The following PRKN variants were observed in gnomAD, a reference collection of about 807,000 sequenced individuals.
The protein encoded by PRKN is E3 ubiquitin-protein ligase parkin.
Under a neutral mutation model 59.5 loss-of-function variants are expected in PRKN, and 56 were observed. That is an observed-to-expected ratio of 0.94 (90% CI 0.76 to 1.18). The LOEUF (loss-of-function observed/expected upper bound fraction) is 1.18, where lower values mean the gene tolerates loss of function less well. Ranked by LOEUF, PRKN falls within the 50% of genes most tolerant of loss-of-function variation. The pLI, the probability that PRKN is intolerant of heterozygous loss-of-function variation, is 0.00. For missense variants in PRKN, 657 were observed against 596.4 expected, an observed-to-expected ratio of 1.10 and a Z score of -1.06; for synonymous variants, 250 against 222.1, an observed-to-expected ratio of 1.13 and a Z score of -1.12.
intron 2 of PRKN, among the ~76,000 whole-genome samples, chr6:162,308,654 CT>C (rs1782341761): frequency 6.6e-6 from 1 of 152,136 alleles, no homozygotes; most frequent in East Asian, 1.9e-4. Flanking sequence ...TTCCTGTCAT[CT>C]TTTATGAAAT....
Position 162,316,155 on chromosome 6 carries a change from A to G in PRKN, c.172-53390T>C, listed in dbSNP as rs546999780. Among the ~76,000 whole-genome samples, 24 of 152,048 alleles carry G rather than the reference A, an allele frequency of 1.6e-4. No homozygotes were observed. In the South Asian group the frequency reaches 5.0e-3, roughly 32 times the overall value. ...GGGGAAATCAAGAGGAGCAGTGGCC[A>G]GGAAAAATGTGCGTGACTTAGGCAT... is the stretch of plus-strand genomic sequence containing the variant. On this transcript the variant is annotated intron_variant, in intron 2 of 11. Coordinates refer to ENST00000366898, the MANE Select transcript of PRKN (RefSeq NM_004562.3).
At chr6:161,958,295 T>C (rs1780255972) in intron 6 of PRKN, among the ~76,000 whole-genome samples, 1 of 152,194 alleles carries the variant, frequency 6.6e-6, no homozygotes, top group Non-Finnish European at 1.5e-5. Flanking sequence ...ACACGCTAAA[T>C]TGTTCCTCTC....
intron 9 of PRKN, among the ~76,000 whole-genome samples, chr6:161,537,491 G>A (rs531727008): frequency 1.1e-4 from 16 of 146,038 alleles, no homozygotes; most frequent in Non-Finnish European, 1.6e-4. Flanking sequence ...TTGCTCTGTC[G>A]CCCAGGCTGG....
chr6:162,565,236 A>G (rs1780008894), intron 1 of PRKN, among the ~76,000 whole-genome samples: 1 of 152,206 alleles, frequency 6.6e-6, no homozygotes, highest in African/African-American at 2.4e-5. Flanking sequence ...CACACAGTGG[A>G]GACACAAAAA....
At chr6:161,993,817 A>T (rs1275833268) in intron 5 of PRKN, among the ~76,000 whole-genome samples, 3 of 152,186 alleles carry the variant, frequency 2.0e-5, no homozygotes, top group Non-Finnish European at 4.4e-5. Context: ...GCTGCTTCCA[A>T]CCACAGCAGA....
chr6:161,683,367 T>G (rs1394462200), intron 7 of PRKN, among the ~76,000 whole-genome samples: 1 of 152,230 alleles, frequency 6.6e-6, no homozygotes, highest in Non-Finnish European at 1.5e-5. Context: ...CATTCTAATC[T>G]GCACTCGATC....
In PRKN at chr6:161,797,315, G is replaced by C. The variant is rs535100644; in HGVS notation, c.735-11407C>G. Among the ~76,000 whole-genome samples, 15 of 152,202 alleles carry C rather than the reference G, an allele frequency of 9.9e-5. No individual in the cohort carries two copies. In the East Asian group the frequency reaches 2.3e-3, roughly 24 times the overall value. On this transcript the variant is annotated intron_variant, in intron 6 of 11. Transcript: ENST00000366898. ...CACCCAGGCTGGAGTGCAGTGGCACGATCTTGGCTCTACAACCTCCGGCTC... is the reference window on the plus strand; with the variant it reads ...CACCCAGGCTGGAGTGCAGTGGCACCATCTTGGCTCTACAACCTCCGGCTC...
At chr6:162,273,943 T>C (rs1217117077) in intron 2 of PRKN, among the ~76,000 whole-genome samples, 1 of 152,162 alleles carries the variant, frequency 6.6e-6, no homozygotes, top group African/African-American at 2.4e-5. Context: ...TCAACAAAAA[T>C]GATCCATATG....
In PRKN at chr6:162,380,847, A is replaced by C. The variant is rs185268530; in HGVS notation, c.171+62463T>G. ...CATTCAGCACATAAATAAGGAAGTA[A>C]GGTGTTTAAGAGTCTGTATCACTGG... On this transcript the variant is annotated intron_variant, in intron 2 of 11. Coordinates refer to ENST00000366898, the MANE Select transcript of PRKN (RefSeq NM_004562.3). Among the ~76,000 whole-genome samples, 19 of 152,142 alleles carry C rather than the reference A, an allele frequency of 1.2e-4. No homozygotes were observed. The East Asian group carries it at 2.1e-3, about 17-fold the overall frequency.
At position 161,527,150 on chromosome 6, in the gene PRKN, T is replaced by C. The variant is rs79578603; in HGVS notation, c.1083+21704A>G. Among the ~76,000 whole-genome samples the C allele has an allele frequency of 6.5e-3, 992 of 152,326 alleles. 12 individuals are homozygous for C. The highest frequency in any genetic ancestry group is 0.022 in the African/African-American group (926 of 41,572). On this transcript the variant is annotated intron_variant, in intron 9 of 11. Coordinates refer to ENST00000366898, the MANE Select transcript of PRKN (RefSeq NM_004562.3). The surrounding 1 kb of genome is among the most constrained non-coding windows in gnomAD (Gnocchi z 4.6). ...TCTTCTCTGTTTCATGAGATTCCTA[T>C]GACAATTATTTTCCTTTATAGATAT...
At chr6:162,615,191 A>C (rs1954809) in intron 1 of PRKN, among the ~76,000 whole-genome samples, 44,061 of 152,046 alleles carry the variant, frequency 0.29, 6,983 homozygotes, top group Non-Finnish European at 0.36. Context: ...TCCCACCAAC[A>C]TGTGACTTAG....
rs1177332315 is a variant in PRKN at position 162,393,155 on chromosome 6, CTTTTT to C, written c.171+50150_171+50154del. 1.5e-4 allele frequency among the ~76,000 whole-genome samples: 12 copies of C among 80,190 alleles called. 1 individual carries two copies. The South Asian group carries it at 1.5e-3, about 10-fold the overall frequency. 52.6% of individuals were successfully genotyped at this position (80,190 alleles called of 152,430 possible). A position where few individuals can be genotyped will look rare whatever the true frequency, so the allele number is the denominator to read the frequency against. On this transcript the variant is annotated intron_variant, in intron 2 of 11. Coordinates refer to ENST00000366898, the MANE Select transcript of PRKN (RefSeq NM_004562.3). ...TGATACTGGGTGAGGATAGGAGATT[CTTTTT>C]TTTTTTTTTTTTTTTTTGAGACAGA...
intron 5 of PRKN, among the ~76,000 whole-genome samples, chr6:162,003,346 T>A (rs1225632238): frequency 6.6e-6 from 1 of 152,156 alleles, no homozygotes; most frequent in African/African-American, 2.4e-5. Context: ...AAACTACTTT[T>A]AAGCGAATTT....
rs1027119893 is a variant in PRKN, at chr6:161,447,088, T to C, written c.1084-60211A>G. 2.6e-5 allele frequency among the ~76,000 whole-genome samples: 4 copies of C among 152,190 alleles called. No homozygotes were observed. Among genetic ancestry groups the C allele is most frequent in the African/African-American group, 4.8e-5 (2 of 41,452 alleles). On this transcript the variant is annotated intron_variant, in intron 9 of 11. Transcript: ENST00000366898. The surrounding 1 kb of genome is among the most constrained non-coding windows in gnomAD (Gnocchi z 4.1). ...GAAGTCAATACAAGGAAAATATCCT[T>C]TTTTAATCCCATTTTCCTTCTCACC...
chr6:162,356,339 C>A (rs1331314083), intron 2 of PRKN, among the ~76,000 whole-genome samples: 1 of 151,912 alleles, frequency 6.6e-6, no homozygotes, highest in African/African-American at 2.4e-5. Flanking sequence ...GTCCCCCCAC[C>A]CCCATCCCAT....
At chr6:162,130,389 T>C (rs905541106) in intron 4 of PRKN, among the ~76,000 whole-genome samples, 17 of 151,364 alleles carry the variant, frequency 1.1e-4, no homozygotes, top group Admixed American at 3.3e-4. Context: ...AACAACTGTA[T>C]ACACACACAC....
intron 6 of PRKN, among the ~76,000 whole-genome samples, chr6:161,819,194 A>T (rs1791916289): frequency 6.6e-6 from 1 of 152,178 alleles, no homozygotes; most frequent in Admixed American, 6.5e-5. Flanking sequence ...TACAGATGTG[A>T]TACCCTTTAA....
intron 6 of PRKN, among the ~76,000 whole-genome samples, chr6:161,943,270 A>G (rs1487612211): frequency 2.6e-5 from 4 of 152,252 alleles, no homozygotes; most frequent in Non-Finnish European, 5.9e-5. Flanking sequence ...CTGTCAAATA[A>G]GACAAAAAAA....
intron 6 of PRKN, among the ~76,000 whole-genome samples, chr6:161,971,331 T>C (rs1175377185): frequency 1.3e-5 from 2 of 152,222 alleles, no homozygotes; most frequent in African/African-American, 4.8e-5. Flanking sequence ...CATATTTTAA[T>C]GTCATGTTTA....
Sources: allele counts gnomAD v4.1 joint callset (sites outside exome capture counted in the v4.1 genomes callset), GRCh38; gene constraint gnomAD v4.1.1; non-coding constraint Gnocchi (gnomAD v3.1); transcripts MANE v1.5; gene names NCBI Gene and HGNC (gene_info 2026-07-23, HGNC 2026-07-21).